Variants in EIPR1 observed in about 807,000 individuals in gnomAD.
The protein encoded by EIPR1 is EARP complex and GARP complex interacting protein 1, also known as EARP and GARP complex-interacting protein 1.
A neutral mutation model predicts 48.1 loss-of-function variants in EIPR1; 25 were observed. The ratio of observed to expected loss-of-function variants is 0.52; its 90% CI spans 0.38 to 0.73. The LOEUF is 0.73. EIPR1 is among the 30% of genes least tolerant of loss of function. The pLI, the probability that EIPR1 is intolerant of heterozygous loss-of-function variation, is 0.00. For synonymous variants in EIPR1, 204 were observed against 201.9 expected, an observed-to-expected ratio of 1.01 and a Z score of -0.09; for missense variants, 415 against 506.2, an observed-to-expected ratio of 0.82 and a Z score of 1.73.
intron 4 of EIPR1, among the ~76,000 whole-genome samples, chr2:3,215,102 G>A (rs74768187): frequency 1.9e-4 from 29 of 152,352 alleles, no homozygotes; most frequent in East Asian, 7.7e-4. Flanking sequence ...GCCGCCCAGC[G>A]TGTGGCGCTT....
At chr2:3,258,173 G>A (rs1165189475) in intron 3 of EIPR1, among the ~76,000 whole-genome samples, 1 of 152,148 alleles carries the variant, frequency 6.6e-6, no homozygotes, top group Admixed American at 6.5e-5. Context: ...CAGGAATCTA[G>A]AGTACCTAGA....
intron 1 of EIPR1, among the ~76,000 whole-genome samples, chr2:3,358,056 G>T (rs1670771203): frequency 6.6e-6 from 1 of 152,148 alleles, no homozygotes; most frequent in Non-Finnish European, 1.5e-5. Flanking sequence ...GCATCCTACA[G>T]CTCACTAAAT....
chr2:3,277,238 G>A (rs922084370), intron 3 of EIPR1, among the ~76,000 whole-genome samples: 2 of 148,480 alleles, frequency 1.3e-5, no homozygotes, highest in African/African-American at 5.0e-5. Flanking sequence ...CTCCACCCAC[G>A]CGGCCCCACA....
At chr2:3,199,983 C>CA (rs1429214262) in intron 5 of EIPR1, among the ~76,000 whole-genome samples, 1 of 126,008 alleles carries the variant, frequency 7.9e-6, no homozygotes. Context: ...GTAGAGGTGA[C>CA]GGGTGTGTCT....
chr2:3,240,637 C>T (rs113987504), intron 4 of EIPR1, among the ~76,000 whole-genome samples: 10 of 6,904 alleles, frequency 1.4e-3, no homozygotes, highest in East Asian at 9.8e-3. Flanking sequence ...CAGCAGATCC[C>T]TCCTAAAGAA....
chr2:3,281,097 C>G (rs1469427548), intron 3 of EIPR1, among the ~76,000 whole-genome samples: 1 of 152,184 alleles, frequency 6.6e-6, no homozygotes, highest in African/African-American at 2.4e-5. Flanking sequence ...GCACCCTGTC[C>G]TTGCCTTCAT....
intron 2 of EIPR1, among the ~76,000 whole-genome samples, chr2:3,345,939 T>G (rs1670387223): frequency 1.3e-5 from 2 of 151,830 alleles, no homozygotes; most frequent in South Asian, 4.1e-4. Flanking sequence ...GGTACAGAAG[T>G]CCAGTGAAAA....
intron 1 of EIPR1, among the ~76,000 whole-genome samples, chr2:3,372,599 C>T (rs1425950337): frequency 6.6e-6 from 1 of 152,198 alleles, no homozygotes; most frequent in African/African-American, 2.4e-5. Flanking sequence ...ATACTACCAA[C>T]ACCTCTACGC....
rs145385484 is a variant in EIPR1, at chr2:3,189,382, G to C, written c.1116C>G (p.Leu372=). ...GGGCCCTGGGCACCCTGTTGATCAC[G>C]AGCCTCCCGTCATAGCTCAGGGAGG... The part of the protein sequence containing the change: ...LFASLSYDGR[L]VINRVPRALK... The change falls in exon 9 of 9, where the codon CTC becomes CTG. Residue 372 remains leucine, a synonymous_variant. Transcript: ENST00000382125. The surrounding 1 kb of genome is among the most constrained non-coding windows in gnomAD (Gnocchi z 4.6). 2.5e-6 allele frequency: 4 copies of C among 1,602,314 alleles called. No individual in the cohort carries two copies. The South Asian group carries it at 3.3e-5, about 13-fold the overall frequency.
At chr2:3,353,315 G>A (rs534899855) in intron 2 of EIPR1, 9 of 470,892 alleles carry the variant, frequency 1.9e-5, no homozygotes, top group Admixed American at 1.2e-4. Context: ...TTTCCTTCCA[G>A]TCTTTATTCT....
intron 5 of EIPR1, among the ~76,000 whole-genome samples, chr2:3,204,889 G>C (rs1201305339): frequency 6.6e-6 from 1 of 152,106 alleles, no homozygotes; most frequent in African/African-American, 2.4e-5. Context: ...CGTGTAGGCC[G>C]TGCTCACAGC....
chr2:3,291,771 T>G (rs1302803293), intron 3 of EIPR1, among the ~76,000 whole-genome samples: 1 of 152,250 alleles, frequency 6.6e-6, no homozygotes, highest in Non-Finnish European at 1.5e-5. Context: ...TATCACTTTA[T>G]AAAGAGCAAA....
chr2:3,324,841 G>T (rs542089502), intron 3 of EIPR1, among the ~76,000 whole-genome samples: 1 of 152,202 alleles, frequency 6.6e-6, no homozygotes, highest in Non-Finnish European at 1.5e-5. Flanking sequence ...AGCACCTCGG[G>T]GGGAGGGCCT....
chr2:3,247,025 GAGC>G (rs1666846065), intron 4 of EIPR1, among the ~76,000 whole-genome samples: 1 of 12,698 alleles, frequency 7.9e-5, no homozygotes, highest in African/African-American at 5.2e-4. Flanking sequence ...GGGAGGGAGA[GAGC>G]GAGGGAGGGA....
At chr2:3,263,912 C>T (rs934408750) in intron 3 of EIPR1, among the ~76,000 whole-genome samples, 2 of 152,180 alleles carry the variant, frequency 1.3e-5, no homozygotes, top group Non-Finnish European at 2.9e-5. Flanking sequence ...TGTGGAATGG[C>T]TAAGTCAAGC....
intron 4 of EIPR1, among the ~76,000 whole-genome samples, chr2:3,215,896 G>A (rs935121714): frequency 2.0e-5 from 3 of 152,144 alleles, no homozygotes; most frequent in East Asian, 1.9e-4. Context: ...GGCACATCAC[G>A]TCTATATTAG....
intron 4 of EIPR1, among the ~76,000 whole-genome samples, chr2:3,229,148 G>A (rs188324467): frequency 3.3e-5 from 5 of 152,346 alleles, no homozygotes; most frequent in South Asian, 2.1e-4. Context: ...AAGTGAGCAT[G>A]AGCCACTGGT....
At chr2:3,367,917 C>A (rs1261335870) in intron 1 of EIPR1, among the ~76,000 whole-genome samples, 1 of 151,962 alleles carries the variant, frequency 6.6e-6, no homozygotes, top group Non-Finnish European at 1.5e-5. Flanking sequence ...CGGTGGCAGG[C>A]GCCTGTAGAC....
At chr2:3,331,159 T>G (rs1669888775) in intron 3 of EIPR1, among the ~76,000 whole-genome samples, 1 of 117,406 alleles carries the variant, frequency 8.5e-6, no homozygotes, top group African/African-American at 3.0e-5. Context: ...ACTCATGAGA[T>G]GGTGTGAGCA....
Sources: gnomAD v4.1 joint callset for allele counts (sites outside exome capture counted in the v4.1 genomes callset) on GRCh38, gnomAD v4.1.1 for gene constraint, Gnocchi (gnomAD v3.1) non-coding constraint, MANE v1.5 for transcripts, NCBI Gene and HGNC (gene_info 2026-07-23, HGNC 2026-07-21) for gene names.